The following LEPR variants were observed in gnomAD, a reference collection of about 807,000 sequenced individuals.
LEPR encodes the protein leptin receptor.
LEPR carries 56 observed loss-of-function variants against 114.7 expected under a neutral mutation model. That is an observed-to-expected ratio of 0.49 (90% CI 0.39 to 0.61). LEPR has a LOEUF of 0.61. Among genes scored for constraint, LEPR ranks in the 20% least tolerant of loss-of-function variants. The probability of loss-of-function intolerance (pLI) is 0.00; values close to 1 mark genes in which losing one functional copy is unlikely to be tolerated. For synonymous variants in LEPR, 443 were observed against 461.4 expected (o/e 0.96, Z 0.51); for missense variants, 1,202 against 1,352.9 (o/e 0.89, Z 1.75).
intron 2 of LEPR, among the ~76,000 whole-genome samples, chr1:65,453,064 C>T (rs1158535949): frequency 3.3e-5 from 5 of 152,146 alleles, no homozygotes; most frequent in Admixed American, 2.6e-4. Flanking sequence ...AGTTTATTTG[C>T]ATAGAGGTGT....
intron 2 of LEPR, among the ~76,000 whole-genome samples, chr1:65,539,015 T>C (rs1650979088): frequency 6.6e-6 from 1 of 151,740 alleles, no homozygotes; most frequent in South Asian, 2.1e-4. Context: ...TTTGGGTCTC[T>C]TGGATTTATT....
intron 2 of LEPR, among the ~76,000 whole-genome samples, chr1:65,504,169 T>C (rs1648605255): frequency 6.6e-6 from 1 of 152,182 alleles, no homozygotes; most frequent in African/African-American, 2.4e-5. Flanking sequence ...CTGTCTACAC[T>C]GACATAAATA....
intron 15 of LEPR, among the ~76,000 whole-genome samples, chr1:65,616,593 AAAT>A (rs1657537615): frequency 6.6e-6 from 1 of 151,946 alleles, no homozygotes; most frequent in Non-Finnish European, 1.5e-5. Context: ...AAATATGTAA[AAAT>A]AAGTATATAT....
intron 2 of LEPR, among the ~76,000 whole-genome samples, chr1:65,524,754 A>AT (rs774166050): frequency 6.2e-4 from 95 of 152,300 alleles, no homozygotes; most frequent in South Asian, 1.2e-3. Flanking sequence ...GATTTCTTCC[A>AT]TATCACCCAG....
At chr1:65,474,823 T>C (rs796697087) in intron 2 of LEPR, among the ~76,000 whole-genome samples, 1 of 151,494 alleles carries the variant, frequency 6.6e-6, no homozygotes, top group East Asian at 2.0e-4. Context: ...CTGACCAACA[T>C]AGTGAAACCC....
rs985962304 is a variant in LEPR, at chr1:65,613,689, C to T, written c.1996-2319C>T. On this transcript the variant is annotated intron_variant, in intron 14 of 19. Transcript: ENST00000349533. ...AATGGCGTGAACCCAGGAAGCGGAG[C>T]TTGCAGTGAGCCGAGATTGCGCCAT... Among the ~76,000 whole-genome samples, 45 of 120,208 alleles carry T rather than the reference C, an allele frequency of 3.7e-4. 2 individuals are homozygous for T. The highest frequency in any genetic ancestry group is 1.2e-3 in the African/African-American group (38 of 32,308). 78.9% of individuals were successfully genotyped at this position (120,208 alleles called of 152,430 possible). A position where few individuals can be genotyped will look rare whatever the true frequency, so the allele number is the denominator to read the frequency against.
intron 2 of LEPR, among the ~76,000 whole-genome samples, chr1:65,438,424 C>T (rs1019036135): frequency 3.9e-5 from 6 of 151,910 alleles, no homozygotes; most frequent in African/African-American, 1.4e-4. Context: ...GTGGCTCACG[C>T]GTGTAGTCCC....
Position 65,568,103 on chromosome 1 carries a change from C to T in LEPR, c.41-2370C>T, listed in dbSNP as rs539321720. Among the ~76,000 whole-genome samples, 6 of 152,152 alleles carry T rather than the reference C, an allele frequency of 3.9e-5. No individual in the cohort carries two copies. In the South Asian group the frequency reaches 6.2e-4, roughly 16 times the overall value. On this transcript the variant is annotated intron_variant, in intron 3 of 19. Coordinates refer to ENST00000349533, the MANE Select transcript of LEPR (RefSeq NM_002303.6). ...TTCTTACCTAACTCCTGGGAACTGC[C>T]GATCTTTTTACTGTTTCCATAGTTG...
At chr1:65,449,687 T>C (rs1460693150) in intron 2 of LEPR, among the ~76,000 whole-genome samples, 1 of 151,710 alleles carries the variant, frequency 6.6e-6, no homozygotes, top group Non-Finnish European at 1.5e-5. Context: ...TATTTATCTT[T>C]TTTTTTTTTT....
intron 2 of LEPR, among the ~76,000 whole-genome samples, chr1:65,441,861 C>G (rs550847031): frequency 1.3e-5 from 2 of 152,178 alleles, no homozygotes; most frequent in South Asian, 4.1e-4. Flanking sequence ...GTGAAACCCT[C>G]TCCCCTTTTC....
chr1:65,610,327 T>A, intron 14 of LEPR, 31 bp downstream of exon 14: 1 of 1,541,700 alleles, frequency 6.5e-7, no homozygotes, highest in Non-Finnish European at 8.9e-7. Context: ...AATCTTAAAT[T>A]GTATTTTTAT....
chr1:65,473,982 C>G (rs556052636), intron 2 of LEPR, among the ~76,000 whole-genome samples: 1 of 152,256 alleles, frequency 6.6e-6, no homozygotes, highest in African/African-American at 2.4e-5. Flanking sequence ...TAATCTTTTT[C>G]AATTTTGTGT....
chr1:65,523,291 T>C (rs1649728022), intron 2 of LEPR, among the ~76,000 whole-genome samples: 1 of 152,216 alleles, frequency 6.6e-6, no homozygotes, highest in Non-Finnish European at 1.5e-5. Flanking sequence ...CCAGGTTTAA[T>C]GATACTTATT....
chr1:65,487,958 TTTCTCTCTTTCTTTCC>T (rs1449909501), intron 2 of LEPR, among the ~76,000 whole-genome samples: 4 of 151,650 alleles, frequency 2.6e-5, no homozygotes, highest in Admixed American at 1.3e-4. Flanking sequence ...CCTTCCTTTC[TTTCTCTCTTTCTTTCC>T]TTCTCTCTTT....
chr1:65,462,942 T>C (rs570420835), intron 2 of LEPR, among the ~76,000 whole-genome samples: 2 of 152,274 alleles, frequency 1.3e-5, no homozygotes, highest in East Asian at 1.9e-4. Context: ...CCATTCTATA[T>C]GTTGCCTGTT....
At chr1:65,513,714 G>A (rs539178801) in intron 2 of LEPR, among the ~76,000 whole-genome samples, 6 of 152,148 alleles carry the variant, frequency 3.9e-5, no homozygotes, top group Non-Finnish European at 8.8e-5. Flanking sequence ...GGTTCATAGG[G>A]ACTTAAATCT....
chr1:65,488,530 T>C (rs1405507816), intron 2 of LEPR, among the ~76,000 whole-genome samples: 1 of 151,652 alleles, frequency 6.6e-6, no homozygotes, highest in African/African-American at 2.4e-5. Flanking sequence ...GGTTTTCTTA[T>C]GTTGCCCAGG....
intron 2 of LEPR, among the ~76,000 whole-genome samples, chr1:65,514,605 A>G (rs1422786683): frequency 2.6e-5 from 4 of 152,244 alleles, no homozygotes; most frequent in Non-Finnish European, 5.9e-5. Context: ...TTATGCATAT[A>G]TATTTTAAAA....
chr1:65,550,339 T>C (rs1652205193), intron 2 of LEPR, among the ~76,000 whole-genome samples: 1 of 152,204 alleles, frequency 6.6e-6, no homozygotes, highest in Non-Finnish European at 1.5e-5. Context: ...CACTGCTCTC[T>C]TCAACGCTGT....
Sources: allele counts gnomAD v4.1 joint callset (sites outside exome capture counted in the v4.1 genomes callset), GRCh38; gene constraint gnomAD v4.1.1; transcripts MANE v1.5; gene names NCBI Gene and HGNC (gene_info 2026-07-23, HGNC 2026-07-21).